Variants in RORB observed in about 807,000 individuals in gnomAD.
The protein encoded by RORB is RAR related orphan receptor B.
RORB carries 6 observed loss-of-function variants against 59.1 expected under a neutral mutation model. The ratio of observed to expected loss-of-function variants is 0.10; its 90% CI spans 0.06 to 0.20. RORB has a LOEUF of 0.20. Ranked by LOEUF, RORB falls within the 10% of genes least tolerant of loss-of-function variation. The probability of loss-of-function intolerance (pLI) is 1.00; values close to 1 mark genes in which losing one functional copy is unlikely to be tolerated. For synonymous variants in RORB, 215 were observed against 204.5 expected, an observed-to-expected ratio of 1.05 and a Z score of -0.44; for missense variants, 320 against 560.5, an observed-to-expected ratio of 0.57 and a Z score of 4.33.
At chr9:74,505,707 G>A (rs1825861464) in intron 1 of RORB, among the ~76,000 whole-genome samples, 1 of 152,012 alleles carries the variant, frequency 6.6e-6, no homozygotes, top group East Asian at 1.9e-4. Context: ...CATAAATGAG[G>A]TCCATTAAAT....
chr9:74,661,818 T>G (rs1824189498), intron 5 of RORB, among the ~76,000 whole-genome samples: 2 of 151,728 alleles, frequency 1.3e-5, no homozygotes, highest in Non-Finnish European at 2.9e-5. Flanking sequence ...GCTAATTTTT[T>G]GTATTTTTAG....
At position 74,685,924 on chromosome 9, in the gene RORB, A is replaced by C. The variant is rs1287100322; in HGVS notation, c.*306A>C. The C allele has an allele frequency of 5.4e-6, 1 of 185,440 alleles. No homozygotes were observed. The highest frequency in any genetic ancestry group is 1.1e-5 in the Non-Finnish European group (1 of 90,278). 11.5% of individuals were successfully genotyped at this position (185,440 alleles called of 1,614,324 possible). On this transcript the variant is annotated 3_prime_UTR_variant, in exon 10 of 10. Coordinates refer to ENST00000376896, the MANE Select transcript of RORB (RefSeq NM_006914.4). Reference sequence around the variant, plus strand: ...AACTGTTTATAGAATTTTATTGTAGATATATACAAGAAAAGAGCGGTACTT... The same window carrying C: ...AACTGTTTATAGAATTTTATTGTAGCTATATACAAGAAAAGAGCGGTACTT...
At chr9:74,534,712 C>T (rs1303849478) in intron 1 of RORB, among the ~76,000 whole-genome samples, 1 of 152,032 alleles carries the variant, frequency 6.6e-6, no homozygotes, top group East Asian at 1.9e-4. Flanking sequence ...AGAAAAGATG[C>T]TGACGTTGCT....
At chr9:74,636,182 T>C (rs1823700192) in intron 3 of RORB, among the ~76,000 whole-genome samples, 2 of 152,146 alleles carry the variant, frequency 1.3e-5, no homozygotes, top group African/African-American at 4.8e-5. Flanking sequence ...GATTAAGTAG[T>C]TTTTGATACT....
At chr9:74,553,251 G>T (rs945140031) in intron 1 of RORB, among the ~76,000 whole-genome samples, 2 of 152,138 alleles carry the variant, frequency 1.3e-5, no homozygotes, top group African/African-American at 4.8e-5. Flanking sequence ...GCCACCAGAT[G>T]AGACTTACAT....
intron 1 of RORB, among the ~76,000 whole-genome samples, chr9:74,575,482 G>A (rs978325847): frequency 2.0e-5 from 3 of 152,102 alleles, no homozygotes; most frequent in South Asian, 2.1e-4. Flanking sequence ...GTGGTAGAGC[G>A]AGAATGATTT....
At chr9:74,662,704 C>A (rs1018798369) in intron 6 of RORB, 98 bp downstream of exon 6, 2 of 1,271,196 alleles carry the variant, frequency 1.6e-6, no homozygotes, top group Non-Finnish European at 1.1e-6. Flanking sequence ...CGATATGCAG[C>A]TCGTTTCTAC....
In RORB at chr9:74,497,837, G is replaced by T; in HGVS notation, c.-140G>T. ...ACGTCACCCTGCAGCCACGGCGTCC[G>T]CCTAAAGGGATGGTTTTCTCGGCAG... On this transcript the variant is annotated 5_prime_UTR_variant, in exon 1 of 10. Coordinates refer to ENST00000376896, the MANE Select transcript of RORB (RefSeq NM_006914.4). 2.0e-6 allele frequency: 2 copies of T among 1,013,678 alleles called. No individual in the cohort carries two copies. The highest frequency in any genetic ancestry group is 2.9e-5 in the South Asian group (2 of 68,182). The allele number at this position is 1,013,678 out of a possible 1,614,324, so 62.8% of individuals were successfully genotyped here. A position where few individuals can be genotyped will look rare whatever the true frequency, so the allele number is the denominator to read the frequency against.
chr9:74,498,823 TGGC>T (rs1055398773), intron 1 of RORB: 456 of 160,352 alleles, frequency 2.8e-3, no homozygotes, highest in Middle Eastern at 6.0e-3. Flanking sequence ...TCGCAGGCGG[TGGC>T]GGCGGCGGCG....
chr9:74,651,048 C>A lies in RORB; in HGVS notation c.637+8233C>A, dbSNP rs140579380. On this transcript the variant is annotated intron_variant, in intron 4 of 9. Transcript: ENST00000376896. ...ATAATGAGATTTCATCATCTGTGAC[C>A]CATTGGTTGTCCTTTGGTGGCGTGT... Among the ~76,000 whole-genome samples the A allele has an allele frequency of 6.0e-3, 913 of 152,152 alleles. 12 individuals are homozygous for A. Among genetic ancestry groups the A allele is most frequent in the African/African-American group, 0.021 (877 of 41,492 alleles).
intron 9 of RORB, among the ~76,000 whole-genome samples, chr9:74,675,999 G>T (rs917173945): frequency 6.6e-6 from 1 of 152,216 alleles, no homozygotes; most frequent in Non-Finnish European, 1.5e-5. Flanking sequence ...CATTCTTGTT[G>T]CCCTGACCAG....
At chr9:74,622,218 C>A (rs1823432606) in intron 1 of RORB, among the ~76,000 whole-genome samples, 1 of 151,862 alleles carries the variant, frequency 6.6e-6, no homozygotes, top group Non-Finnish European at 1.5e-5. Flanking sequence ...AAGGTTTAAA[C>A]TAAATGTAGG....
In RORB at chr9:74,555,482, G is replaced by A. The variant is rs1247405680; in HGVS notation, c.7+57499G>A. ...CTTAATACATATAAATATATGGTAT[G>A]TTTCCATTTTAAATTTATTATTGCT... is the stretch of plus-strand genomic sequence containing the variant. On this transcript the variant is annotated intron_variant, in intron 1 of 9. Coordinates refer to ENST00000376896, the MANE Select transcript of RORB (RefSeq NM_006914.4). Among the ~76,000 whole-genome samples, 4 of 152,300 alleles carry A rather than the reference G, an allele frequency of 2.6e-5. No individual in the cohort carries two copies. In the East Asian group the frequency reaches 5.8e-4, roughly 22 times the overall value.
chr9:74,563,250 A>G (rs1397551729), intron 1 of RORB, among the ~76,000 whole-genome samples: 1 of 150,774 alleles, frequency 6.6e-6, no homozygotes, highest in Admixed American at 6.6e-5. Flanking sequence ...CAGTAGCACA[A>G]TCTCGGCTCA....
At chr9:74,516,174 A>G (rs994727536) in intron 1 of RORB, among the ~76,000 whole-genome samples, 2 of 152,076 alleles carry the variant, frequency 1.3e-5, no homozygotes, top group East Asian at 1.9e-4. Context: ...GATAGATAAT[A>G]CCATCATCGT....
intron 9 of RORB, among the ~76,000 whole-genome samples, chr9:74,676,824 C>T (rs1461410973): frequency 6.6e-6 from 1 of 152,240 alleles, no homozygotes; most frequent in Non-Finnish European, 1.5e-5. Flanking sequence ...GTCCTAACCA[C>T]ACACCTGCAT....
chr9:74,522,631 T>C (rs1480955633), intron 1 of RORB, among the ~76,000 whole-genome samples: 1 of 151,838 alleles, frequency 6.6e-6, no homozygotes, highest in East Asian at 1.9e-4. Flanking sequence ...TACAATGTAG[T>C]GCATTGTCTG....
At chr9:74,622,675 C>T (rs1340029653) in intron 1 of RORB, among the ~76,000 whole-genome samples, 2 of 151,694 alleles carry the variant, frequency 1.3e-5, no homozygotes, top group South Asian at 2.1e-4. Context: ...TACAGGTGCG[C>T]ACCACCACAC....
chr9:74,620,686 G>A (rs1002385543), intron 1 of RORB, among the ~76,000 whole-genome samples: 1 of 152,164 alleles, frequency 6.6e-6, no homozygotes, highest in Admixed American at 6.5e-5. Context: ...GGCATTTAGT[G>A]CTATAAATTT....
Sources: gnomAD v4.1 joint callset for allele counts (sites outside exome capture counted in the v4.1 genomes callset) on GRCh38, gnomAD v4.1.1 for gene constraint, MANE v1.5 for transcripts, NCBI Gene and HGNC (gene_info 2026-07-23, HGNC 2026-07-21) for gene names.